WDFY2: variants seen among roughly 807,000 people sequenced by gnomAD.
The protein encoded by WDFY2 is WD repeat and FYVE domain containing 2, also known as WD repeat and FYVE domain-containing protein 2.
Under a neutral mutation model 56.4 loss-of-function variants are expected in WDFY2, and 36 were observed. The ratio of observed to expected loss-of-function variants is 0.64; its 90% confidence interval spans 0.49 to 0.84. The LOEUF is 0.84. Among genes scored for constraint, WDFY2 ranks in the 40% least tolerant of loss-of-function variants. WDFY2 has a pLI of 0.00. For synonymous variants in WDFY2, 176 were observed against 183.7 expected (o/e 0.96, Z 0.34); for missense variants, 444 against 512.2 (o/e 0.87, Z 1.29).
chr13:51,714,342 A>C (rs1260265561), intron 4 of WDFY2, among the ~76,000 whole-genome samples: 2 of 151,914 alleles, frequency 1.3e-5, no homozygotes, highest in East Asian at 3.9e-4. Flanking sequence ...CCCAGGCTGG[A>C]GTGCAGTGGT....
chr13:51,704,766 CA>C (rs1284477413), intron 4 of WDFY2, among the ~76,000 whole-genome samples: 1 of 152,042 alleles, frequency 6.6e-6, no homozygotes, highest in Non-Finnish European at 1.5e-5. Flanking sequence ...TAAATATATG[CA>C]ATTATTATTT....
rs369006763 is a variant in WDFY2, at chr13:51,634,720, G to GT, written c.138-25866dup. ...TGGAAAAGGCTGTTTTTTTTGTTTT[G>GT]TTTTTTTTTTCCCCATATATTCAGT... is the stretch of plus-strand genomic sequence containing the variant. On this transcript the variant is annotated intron_variant, in intron 1 of 11. Transcript: ENST00000298125. Among the ~76,000 whole-genome samples the GT allele has an allele frequency of 2.7e-3, 398 of 148,358 alleles. 3 individuals are homozygous for GT. The highest frequency in any genetic ancestry group is 4.2e-3 in the Admixed American group (62 of 14,894).
At chr13:51,604,809 T>A (rs9535715) in intron 1 of WDFY2, among the ~76,000 whole-genome samples, 20,708 of 152,068 alleles carry the variant, frequency 0.14, 1,769 homozygotes, top group South Asian at 0.23. Flanking sequence ...GGAGGTCTAG[T>A]TAAAGGTTAA....
chr13:51,754,045 A>G (rs993890950), intron 8 of WDFY2, among the ~76,000 whole-genome samples: 1 of 150,420 alleles, frequency 6.6e-6, no homozygotes, highest in Non-Finnish European at 1.5e-5. Context: ...GTGAGCCAAG[A>G]TCGCACCACT....
intron 6 of WDFY2, among the ~76,000 whole-genome samples, chr13:51,735,297 G>A (rs1388238147): frequency 6.6e-6 from 1 of 152,204 alleles, no homozygotes; most frequent in African/African-American, 2.4e-5. Context: ...CTGCATACCA[G>A]TCACTGTGTG....
At position 51,751,195 on chromosome 13, in the gene WDFY2, T is replaced by C. The variant is rs1953226832; in HGVS notation, c.726-115T>C. On this transcript the variant is annotated intron_variant, in intron 7 of 11. Transcript: ENST00000298125. ...TGAAAATTCCAACAGGTTTCTAAGATCTACACTGGGGGCTCGGAGTGAGTG... is the reference window on the plus strand; with the variant it reads ...TGAAAATTCCAACAGGTTTCTAAGACCTACACTGGGGGCTCGGAGTGAGTG... The C allele has an allele frequency of 9.2e-6, 8 of 867,824 alleles. No individual in the cohort carries two copies. In the South Asian group the frequency reaches 1.3e-4, roughly 14 times the overall value. 53.8% of individuals were successfully genotyped at this position (867,824 alleles called of 1,614,324 possible).
chr13:51,755,612 C>CGGTA (rs1268863821), intron 9 of WDFY2, among the ~76,000 whole-genome samples, 153 bp downstream of exon 9: 2 of 152,062 alleles, frequency 1.3e-5, no homozygotes, highest in Non-Finnish European at 2.9e-5. Flanking sequence ...TTTACTCTGT[C>CGGTA]TACCATAGCC....
intron 4 of WDFY2, among the ~76,000 whole-genome samples, chr13:51,707,987 C>T (rs1425666096): frequency 4.4e-5 from 4 of 90,448 alleles, no homozygotes; most frequent in African/African-American, 1.3e-4. Context: ...CTGAGTCTTG[C>T]TCTGTCACCC....
intron 3 of WDFY2, among the ~76,000 whole-genome samples, chr13:51,681,849 T>G (rs1336327199): frequency 1.3e-5 from 2 of 152,200 alleles, no homozygotes; most frequent in African/African-American, 2.4e-5. Flanking sequence ...TATTGTGCCC[T>G]TGGTATTTGT....
chr13:51,653,754 C>T (rs550225618), intron 1 of WDFY2, among the ~76,000 whole-genome samples: 13 of 142,878 alleles, frequency 9.1e-5, no homozygotes, highest in South Asian at 6.8e-4. Context: ...GCTGCCTGAT[C>T]GTTCCTCTGG....
rs1169760570 is a variant in WDFY2, at chr13:51,760,584, TTTTAGC to T, written c.*819_*824del. 1 of 152,126 alleles carries T rather than the reference TTTTAGC, an allele frequency of 6.6e-6. No homozygotes were observed. The highest frequency in any genetic ancestry group is 1.5e-5 in the Non-Finnish European group (1 of 68,006). 9.4% of individuals were successfully genotyped at this position (152,126 alleles called of 1,614,324 possible). On this transcript the variant is annotated 3_prime_UTR_variant, in exon 12 of 12. Transcript: ENST00000298125. ...CAGTTGGAGCCTCCTGAGCCTCTTG[TTTTAGC>T]TTTTTTGACGCAGCTCTCCCTCACT...
intron 8 of WDFY2, among the ~76,000 whole-genome samples, chr13:51,753,814 G>A (rs946144114): frequency 2.0e-5 from 3 of 151,954 alleles, no homozygotes; most frequent in Non-Finnish European, 1.5e-5. Context: ...AGCCGGGCAC[G>A]GTGGCTCACG....
At chr13:51,656,066 T>A (rs1955503207) in intron 1 of WDFY2, among the ~76,000 whole-genome samples, 1 of 151,698 alleles carries the variant, frequency 6.6e-6, no homozygotes, top group African/African-American at 2.4e-5. Context: ...TTTTTTTTTT[T>A]TTTTCCTGCT....
chr13:51,610,705 A>G (rs973131823), intron 1 of WDFY2, among the ~76,000 whole-genome samples: 2 of 152,234 alleles, frequency 1.3e-5, no homozygotes, highest in African/African-American at 4.8e-5. Flanking sequence ...CAGTCATGAA[A>G]AACATCCACT....
At chr13:51,736,082 C>A (rs183267429) in intron 6 of WDFY2, among the ~76,000 whole-genome samples, 120 of 152,278 alleles carry the variant, frequency 7.9e-4, no homozygotes, top group African/African-American at 2.8e-3. Context: ...AATAAGCTGA[C>A]TGGCCTTAAG....
chr13:51,631,561 T>G (rs187936632), intron 1 of WDFY2, among the ~76,000 whole-genome samples: 11 of 152,260 alleles, frequency 7.2e-5, no homozygotes, highest in Non-Finnish European at 8.8e-5. Flanking sequence ...TTCAGCACAT[T>G]TTCTTTTCTT....
intron 1 of WDFY2, among the ~76,000 whole-genome samples, chr13:51,637,408 T>C (rs553771367): frequency 6.6e-6 from 1 of 152,326 alleles, no homozygotes; most frequent in South Asian, 2.1e-4. Flanking sequence ...GAAATAATTT[T>C]TTTTTTTTGG....
chr13:51,718,703 G>C (rs559127547), intron 4 of WDFY2, among the ~76,000 whole-genome samples: 1 of 151,956 alleles, frequency 6.6e-6, no homozygotes, highest in African/African-American at 2.4e-5. Context: ...TGTTCATCTA[G>C]AACTTTTGTA....
intron 1 of WDFY2, among the ~76,000 whole-genome samples, chr13:51,596,505 C>A (rs1954152737): frequency 6.6e-6 from 1 of 152,188 alleles, no homozygotes; most frequent in South Asian, 2.1e-4. Flanking sequence ...GTTCTGTCAA[C>A]CTTAAATAAT....
Sources: gnomAD v4.1 joint callset for allele counts (sites outside exome capture counted in the v4.1 genomes callset) on GRCh38, gnomAD v4.1.1 for gene constraint, MANE v1.5 for transcripts, NCBI Gene and HGNC (gene_info 2026-07-23, HGNC 2026-07-21) for gene names.